Variants in SPAG9 observed in about 807,000 individuals in gnomAD.
The protein encoded by SPAG9 is sperm associated antigen 9.
A neutral mutation model predicts 166.5 loss-of-function variants in SPAG9; 35 were observed. The observed-to-expected ratio is 0.21, with a 90% CI of 0.16 to 0.28. SPAG9 has a LOEUF of 0.28. Ranked by LOEUF, SPAG9 falls within the 10% of genes least tolerant of loss-of-function variation. SPAG9 has a pLI of 1.00. For missense variants in SPAG9, 1,235 were observed against 1,603.3 expected (o/e 0.77, Z 3.92); for synonymous variants, 534 against 565.5 (o/e 0.94, Z 0.79).
At chr17:51,054,636 C>A (rs1395407307) in intron 3 of SPAG9, among the ~76,000 whole-genome samples, 1 of 151,620 alleles carries the variant, frequency 6.6e-6, no homozygotes, top group African/African-American at 2.4e-5. Context: ...CGGGGTTTCA[C>A]CGTGTTAGCC....
intron 23 of SPAG9, 35 bp downstream of exon 23, chr17:50,985,663 G>T: frequency 7.8e-7 from 1 of 1,282,900 alleles, no homozygotes; most frequent in African/African-American, 1.5e-5. Context: ...AAAATGCATA[G>T]TTTTAACAAG....
intron 2 of SPAG9, among the ~76,000 whole-genome samples, chr17:51,063,375 G>A (rs576069439): frequency 1.5e-4 from 22 of 147,016 alleles, no homozygotes; most frequent in African/African-American, 3.8e-4. Flanking sequence ...CTGTGCCACC[G>A]CACTCCAGCC....
At chr17:50,996,387 G>A in intron 16 of SPAG9, 178 bp downstream of exon 16, 1 of 653,034 alleles carries the variant, frequency 1.5e-6, no homozygotes, top group Non-Finnish European at 2.6e-6. Context: ...TTTCATTTGA[G>A]TTCTACAGCT....
At chr17:50,996,274 A>G in intron 16 of SPAG9, 1 of 277,276 alleles carries the variant, frequency 3.6e-6, no homozygotes. Context: ...AAATCTTCAA[A>G]TATTAAACCA....
At chr17:51,029,959 T>A (rs1218754948) in intron 6 of SPAG9, among the ~76,000 whole-genome samples, 2 of 152,212 alleles carry the variant, frequency 1.3e-5, no homozygotes, top group African/African-American at 4.8e-5. Context: ...TCAGAGGTCA[T>A]AAGATGGTAA....
At chr17:51,037,687 T>TATATATATA (rs1568028331) in intron 5 of SPAG9, among the ~76,000 whole-genome samples, 45 of 74,158 alleles carry the variant, frequency 6.1e-4, no homozygotes, top group African/African-American at 1.4e-3. Flanking sequence ...ATATATATAG[T>TATATATATA]GTGTGTGTGT....
At chr17:51,000,847 A>G (rs2044914524) in intron 13 of SPAG9, among the ~76,000 whole-genome samples, 1 of 152,194 alleles carries the variant, frequency 6.6e-6, no homozygotes, top group South Asian at 2.1e-4. Context: ...TATCCACTAA[A>G]TACTGCAGTT....
intron 2 of SPAG9, among the ~76,000 whole-genome samples, chr17:51,064,493 C>T (rs1049490535): frequency 6.6e-6 from 1 of 152,086 alleles, no homozygotes; most frequent in African/African-American, 2.4e-5. Flanking sequence ...TGGAGGGTAT[C>T]CCATAAAACA....
intron 22 of SPAG9, 84 bp from the exon 23 acceptor site, chr17:50,985,862 A>C: frequency 1.4e-6 from 1 of 718,966 alleles, no homozygotes; most frequent in Non-Finnish European, 2.3e-6. Flanking sequence ...AAGTTCATTC[A>C]GAAGGAAAGA....
intron 28 of SPAG9, among the ~76,000 whole-genome samples, chr17:50,972,441 G>A (rs758387109): frequency 6.6e-6 from 1 of 152,180 alleles, no homozygotes; most frequent in Non-Finnish European, 1.5e-5. Flanking sequence ...ACTAGTAAAT[G>A]TGCTGTTTGT....
intron 9 of SPAG9, among the ~76,000 whole-genome samples, chr17:51,013,670 G>T (rs2045581040): frequency 6.6e-6 from 1 of 152,104 alleles, no homozygotes; most frequent in African/African-American, 2.4e-5. Flanking sequence ...AGGTCAGCAG[G>T]CAAATAGTCT....
At position 51,054,204 on chromosome 17, in the gene SPAG9, C is replaced by A. The variant is rs77445232; in HGVS notation, c.495+2208G>T. ...CAATATTGGCTCACTGTATCCCCTA[C>A]CTCCTGGGCTCAAGTGATCCTCCCA... On this transcript the variant is annotated intron_variant, in intron 3 of 29. Transcript: ENST00000262013. Among the ~76,000 whole-genome samples the A allele has an allele frequency of 1.9e-4, 27 of 144,914 alleles. 1 individual carries two copies. In the East Asian group the frequency reaches 5.9e-3, roughly 31 times the overall value.
intron 2 of SPAG9, among the ~76,000 whole-genome samples, chr17:51,077,073 T>TCTAG (rs1188442565): frequency 1.2e-4 from 14 of 116,034 alleles, no homozygotes; most frequent in African/African-American, 3.2e-4. Context: ...TAGCTAGCTA[T>TCTAG]CTAGCTATCT....
chr17:51,018,977 C>T (rs1207068396), intron 8 of SPAG9, among the ~76,000 whole-genome samples: 4 of 152,132 alleles, frequency 2.6e-5, no homozygotes, highest in Non-Finnish European at 2.9e-5. Flanking sequence ...TCAGCTGTTG[C>T]CAATGTGATA....
chr17:50,981,390 G>GTGGATGGA (rs529102170), intron 25 of SPAG9, among the ~76,000 whole-genome samples: 4,269 of 150,116 alleles, frequency 0.028, 139 homozygotes, highest in African/African-American at 0.082. Flanking sequence ...CAACCTGTGT[G>GTGGATGGA]TGGATGGATG....
At chr17:50,995,692 C>A (rs1281826273) in intron 16 of SPAG9, 159 bp from the exon 17 acceptor site, 3 of 602,788 alleles carry the variant, frequency 5.0e-6, no homozygotes, top group Non-Finnish European at 5.9e-6. Context: ...GAGACAGGGT[C>A]GCTCTACTGC....
At chr17:51,111,080 C>CA (rs1482107930) in intron 1 of SPAG9, among the ~76,000 whole-genome samples, 2 of 151,708 alleles carry the variant, frequency 1.3e-5, no homozygotes, top group Non-Finnish European at 2.9e-5. Context: ...CCCGCCACTG[C>CA]ACTCCAGCCA....
chr17:50,987,040 T>C, intron 22 of SPAG9, 72 bp downstream of exon 22: 1 of 1,435,396 alleles, frequency 7.0e-7, no homozygotes, highest in Non-Finnish European at 9.5e-7. Context: ...GTTTACCATA[T>C]TTTACTTATC....
In SPAG9 at chr17:51,120,617, C is replaced by G. The variant is rs749536343; in HGVS notation, c.40G>C (p.Gly14Arg). The G allele has an allele frequency of 2.5e-6, 4 of 1,611,744 alleles. No individual in the cohort carries two copies. The highest frequency in any genetic ancestry group is 1.1e-5 in the South Asian group (1 of 90,800). The change falls in exon 1 of 30, where the codon GGC becomes CGC. Residue 14 changes from glycine to arginine, a missense_variant. Gly to Arg is a moderately radical substitution (Grantham distance 125). Around this residue, in one of 6 missense-constraint regions of SPAG9, gnomAD observed 83 missense variants for 149.8 expected, o/e 0.55. Coordinates refer to ENST00000262013, the MANE Select transcript of SPAG9 (RefSeq NM_001130528.3). This position sits in a 1 kb window ranked among gnomAD's most constrained non-coding sequence, Gnocchi z 4.7. ...EDGVVYQEEP[G>R]GSGAVMSERV... ...TCCGACATCACGGCCCCGGAGCCGC[C>G]GGGCTCCTCCTGATACACCACACCG...
Sources: gnomAD v4.1 joint callset for allele counts (sites outside exome capture counted in the v4.1 genomes callset) on GRCh38, gnomAD v4.1.1 for gene constraint, gnomAD v4.1.1 regional missense constraint, Gnocchi (gnomAD v3.1) non-coding constraint, MANE v1.5 for transcripts, NCBI Gene and HGNC (gene_info 2026-07-23, HGNC 2026-07-21) for gene names.